KCNAB1: variants seen among roughly 807,000 people sequenced by gnomAD.
KCNAB1 encodes potassium voltage-gated channel subfamily A regulatory beta subunit 1.
KCNAB1 carries 35 observed loss-of-function variants against 64.6 expected under a neutral mutation model. That is an observed-to-expected ratio of 0.54 (90% CI 0.41 to 0.72). The LOEUF (loss-of-function observed/expected upper bound fraction) is 0.72, where lower values mean the gene tolerates loss of function less well. KCNAB1 is among the 30% of genes least tolerant of loss of function. The probability of loss-of-function intolerance (pLI) is 0.00; values close to 1 mark genes in which losing one functional copy is unlikely to be tolerated. For synonymous variants in KCNAB1, 177 were observed against 183.8 expected (o/e 0.96, Z 0.30); for missense variants, 401 against 512.9 (o/e 0.78, Z 2.11).
intron 8 of KCNAB1, among the ~76,000 whole-genome samples, chr3:156,478,939 A>G (rs1714582130): frequency 6.6e-6 from 1 of 152,146 alleles, no homozygotes; most frequent in African/African-American, 2.4e-5. Flanking sequence ...AGGGGTGAGA[A>G]ACTTCATTCG....
intron 1 of KCNAB1, chr3:156,292,227 G>T (rs750843639): frequency 5.2e-6 from 7 of 1,341,068 alleles, no homozygotes; most frequent in Non-Finnish European, 6.3e-6. Context: ...CTCATCAGTG[G>T]GTTGCTCACT....
At chr3:156,505,577 T>C (rs967497498) in intron 8 of KCNAB1, among the ~76,000 whole-genome samples, 2 of 152,202 alleles carry the variant, frequency 1.3e-5, no homozygotes, top group African/African-American at 2.4e-5. Context: ...TTCAATTTCT[T>C]TCATCAGTTT....
chr3:156,132,165 G>T lies in KCNAB1; in HGVS notation c.275+11279G>T, dbSNP rs150638259. Among the ~76,000 whole-genome samples the T allele has an allele frequency of 1.4e-3, 207 of 152,338 alleles. No individual in the cohort carries two copies. In the South Asian group the frequency reaches 0.017, roughly 12 times the overall value. On this transcript the variant is annotated intron_variant, in intron 1 of 13. Transcript: ENST00000490337. The stretch of plus-strand genomic sequence containing the variant: ...TTGGCTATTTTCCATAACATGGAGA[G>T]ACCAAGGTATTCCTTTACTTTCAAT...
intron 8 of KCNAB1, among the ~76,000 whole-genome samples, chr3:156,483,410 C>T (rs1370385469): frequency 6.6e-6 from 1 of 152,052 alleles, no homozygotes; most frequent in East Asian, 1.9e-4. Flanking sequence ...TAGTATATTT[C>T]AAATGTTTGA....
At chr3:156,433,672 G>C (rs1716386627) in intron 2 of KCNAB1, among the ~76,000 whole-genome samples, 1 of 152,208 alleles carries the variant, frequency 6.6e-6, no homozygotes, top group East Asian at 1.9e-4. Flanking sequence ...AGTGCTGCTG[G>C]AAGCCACCTG....
At chr3:156,323,840 C>T (rs1722817332) in intron 1 of KCNAB1, among the ~76,000 whole-genome samples, 1 of 152,134 alleles carries the variant, frequency 6.6e-6, no homozygotes, top group South Asian at 2.1e-4. Context: ...TTTACTGCTT[C>T]CTGTTGCTTT....
Position 156,536,752 on chromosome 3 carries a change from A to T in KCNAB1, c.*5A>T, listed in dbSNP as rs1399844404. The T allele has an allele frequency of 6.3e-7, 1 of 1,586,336 alleles. No individual in the cohort carries two copies. On this transcript the variant is annotated 3_prime_UTR_variant, in exon 14 of 14. Transcript: ENST00000490337. ...AAGAAGGACTATAGATCATAAGGCA[A>T]TGCATGAACCACAGAAGCTGCATGG...
At chr3:156,278,562 T>G (rs1719492078) in intron 1 of KCNAB1, among the ~76,000 whole-genome samples, 1 of 152,210 alleles carries the variant, frequency 6.6e-6, no homozygotes, top group Non-Finnish European at 1.5e-5. Context: ...TTCATTTAAT[T>G]TGTAGTATTT....
chr3:156,394,783 C>A (rs773860541), intron 1 of KCNAB1, among the ~76,000 whole-genome samples: 38 of 152,144 alleles, frequency 2.5e-4, no homozygotes, highest in Non-Finnish European at 4.7e-4. Context: ...CAGCTTTATT[C>A]TTCTCTCTTC....
At chr3:156,136,247 GT>G (rs1714339214) in intron 1 of KCNAB1, among the ~76,000 whole-genome samples, 1 of 152,154 alleles carries the variant, frequency 6.6e-6, no homozygotes, top group Non-Finnish European at 1.5e-5. Context: ...CATTTATTCT[GT>G]ACTAGTTACA....
At chr3:156,521,959 T>C (rs1421386106) in intron 11 of KCNAB1, among the ~76,000 whole-genome samples, 1 of 38,794 alleles carries the variant, frequency 2.6e-5, no homozygotes, top group Non-Finnish European at 9.2e-5. Context: ...TCTTTTTAAT[T>C]TTTTTTTTAC....
At chr3:156,457,641 G>C (rs1238884033) in intron 4 of KCNAB1, 109 bp downstream of exon 4, 2 of 942,302 alleles carry the variant, frequency 2.1e-6, no homozygotes, top group Admixed American at 1.8e-5. Context: ...TTCTCCACGT[G>C]TTGGCAGCTC....
intron 1 of KCNAB1, among the ~76,000 whole-genome samples, chr3:156,284,725 A>G (rs903178822): frequency 2.0e-5 from 3 of 151,964 alleles, no homozygotes; most frequent in African/African-American, 7.3e-5. Flanking sequence ...GAGTGACCCG[A>G]TTTTCCAGGT....
chr3:156,282,082 T>C (rs1392495466), intron 1 of KCNAB1, among the ~76,000 whole-genome samples: 1 of 150,470 alleles, frequency 6.6e-6, no homozygotes, highest in Non-Finnish European at 1.5e-5. Flanking sequence ...GGATCTTTCC[T>C]GCTTTCTCTT....
chr3:156,248,531 T>C (rs1717606487), intron 1 of KCNAB1, among the ~76,000 whole-genome samples: 1 of 151,782 alleles, frequency 6.6e-6, no homozygotes, highest in Admixed American at 6.6e-5. Flanking sequence ...TTACCTCTTA[T>C]TTCATGTTAT....
chr3:156,336,863 CAA>C (rs1200006299), intron 1 of KCNAB1, among the ~76,000 whole-genome samples: 1 of 152,156 alleles, frequency 6.6e-6, no homozygotes, highest in Non-Finnish European at 1.5e-5. Context: ...ACGAGAAATC[CAA>C]AGACTACAAT....
chr3:156,498,313 C>T (rs1716143264), intron 8 of KCNAB1, among the ~76,000 whole-genome samples: 1 of 152,192 alleles, frequency 6.6e-6, no homozygotes, highest in African/African-American at 2.4e-5. Flanking sequence ...GCTGCGTCCC[C>T]ACCCAAATCT....
At chr3:156,401,949 G>A (rs1713926140) in intron 1 of KCNAB1, among the ~76,000 whole-genome samples, 1 of 151,456 alleles carries the variant, frequency 6.6e-6, no homozygotes, top group South Asian at 2.1e-4. Flanking sequence ...AAAGAGAAAA[G>A]AAAAGAAAAA....
At chr3:156,266,403 G>A (rs1718713505) in intron 1 of KCNAB1, among the ~76,000 whole-genome samples, 1 of 152,144 alleles carries the variant, frequency 6.6e-6, no homozygotes, top group South Asian at 2.1e-4. Flanking sequence ...ATCCAGTTAT[G>A]TCACTATCCC....
Sources: allele counts gnomAD v4.1 joint callset (sites outside exome capture counted in the v4.1 genomes callset), GRCh38; gene constraint gnomAD v4.1.1; transcripts MANE v1.5; gene names NCBI Gene and HGNC (gene_info 2026-07-23, HGNC 2026-07-21).